B3GLCT: variants seen among roughly 807,000 people sequenced by gnomAD.
The protein encoded by B3GLCT is beta 3-glucosyltransferase.
Under a neutral mutation model 63.4 loss-of-function variants are expected in B3GLCT, and 65 were observed. The observed-to-expected ratio is 1.03, with a 90% CI of 0.84 to 1.26. B3GLCT has a LOEUF of 1.26. B3GLCT is among the 50% of genes most tolerant of loss of function. B3GLCT has a pLI of 0.00. For synonymous variants in B3GLCT, 233 were observed against 219.2 expected (o/e 1.06, Z -0.55); for missense variants, 577 against 604.8 (o/e 0.95, Z 0.48).
intron 4 of B3GLCT, among the ~76,000 whole-genome samples, chr13:31,234,774 ATC>A (rs1345913853): frequency 1.3e-5 from 2 of 152,112 alleles, no homozygotes; most frequent in Non-Finnish European, 2.9e-5. Flanking sequence ...GGTGTTTAGC[ATC>A]TCTCGTCTCT....
At position 31,274,261 on chromosome 13, in the gene B3GLCT, G is replaced by A. The variant is rs117121925; in HGVS notation, c.661-248G>A. 0.014 allele frequency among the ~76,000 whole-genome samples: 2,197 copies of A among 152,182 alleles called. 27 individuals carry two copies. Among genetic ancestry groups the A allele is most frequent in the Non-Finnish European group, 0.022 (1,497 of 68,002 alleles). On this transcript the variant is annotated intron_variant, in intron 8 of 14. Coordinates refer to ENST00000343307, the MANE Select transcript of B3GLCT (RefSeq NM_194318.4). ...GTTCTTTCCTAAAACCGCATACTTC[G>A]GAATTTTTTGGAGGTCAGAATATTG...
intron 12 of B3GLCT, among the ~76,000 whole-genome samples, chr13:31,308,946 A>T (rs1432937992): frequency 6.6e-6 from 1 of 152,166 alleles, no homozygotes; most frequent in African/African-American, 2.4e-5. Flanking sequence ...TTTTAATTTT[A>T]TTTTAGCTAG....
chr13:31,325,261 A>G (rs924764136), intron 14 of B3GLCT, among the ~76,000 whole-genome samples: 2 of 152,162 alleles, frequency 1.3e-5, no homozygotes, highest in African/African-American at 4.8e-5. Context: ...GTCCTTTAGG[A>G]CTTTGAGAGG....
chr13:31,282,553 C>T (rs1426373488), intron 10 of B3GLCT, among the ~76,000 whole-genome samples: 1 of 150,528 alleles, frequency 6.6e-6, no homozygotes, highest in African/African-American at 2.4e-5. Context: ...GAAGCAGGAG[C>T]ATGGTGTGAA....
chr13:31,321,298 T>A (rs1875318157), intron 13 of B3GLCT, among the ~76,000 whole-genome samples: 1 of 152,244 alleles, frequency 6.6e-6, no homozygotes, highest in South Asian at 2.1e-4. Flanking sequence ...TAAGACATAA[T>A]GTTGAATAGT....
chr13:31,213,657 T>C (rs1388656133), intron 1 of B3GLCT, among the ~76,000 whole-genome samples: 3 of 114,990 alleles, frequency 2.6e-5, no homozygotes, highest in African/African-American at 3.4e-5. Context: ...ATAACTGTAT[T>C]CCTGCCCTTG....
At chr13:31,204,087 G>C (rs1868816406) in intron 1 of B3GLCT, among the ~76,000 whole-genome samples, 1 of 152,318 alleles carries the variant, frequency 6.6e-6, no homozygotes, top group East Asian at 1.9e-4. Context: ...AAGCAGTAAT[G>C]ACTACAGAAT....
At position 31,331,764 on chromosome 13, in the gene B3GLCT, A is replaced by G. The variant is rs887102093; in HGVS notation, c.*2096A>G. The stretch of plus-strand genomic sequence containing the variant: ...AACAAATCAGAGATGTTATTTTAGA[A>G]TCGATTCCCATCTAAAGAACTCAAT... On this transcript the variant is annotated 3_prime_UTR_variant, in exon 15 of 15. Transcript: ENST00000343307. 1.9e-4 allele frequency: 29 copies of G among 152,224 alleles called. No individual in the cohort carries two copies. Among genetic ancestry groups the G allele is most frequent in the African/African-American group, 6.8e-4 (28 of 41,462 alleles). The allele number at this position is 152,224 out of a possible 1,614,324, so 9.4% of individuals were successfully genotyped here.
chr13:31,224,460 T>G (rs1418544507), intron 3 of B3GLCT, among the ~76,000 whole-genome samples: 1 of 152,094 alleles, frequency 6.6e-6, no homozygotes, highest in African/African-American at 2.4e-5. Context: ...TTGGTATCAG[T>G]TCATCTGAAA....
At chr13:31,311,747 C>T (rs1874722106) in intron 12 of B3GLCT, 1 of 152,130 alleles carries the variant, frequency 6.6e-6, no homozygotes, top group Non-Finnish European at 1.5e-5. Flanking sequence ...TTTACTGATA[C>T]TATTTCAGCC....
chr13:31,202,381 G>A (rs1231412786), intron 1 of B3GLCT, among the ~76,000 whole-genome samples: 1 of 152,204 alleles, frequency 6.6e-6, no homozygotes, highest in Non-Finnish European at 1.5e-5. Context: ...GTGGCTTTTA[G>A]TGGCTTTGAG....
chr13:31,205,420 A>G (rs1868899669), intron 1 of B3GLCT, among the ~76,000 whole-genome samples: 1 of 151,964 alleles, frequency 6.6e-6, no homozygotes, highest in South Asian at 2.1e-4. Context: ...TTACCCGCGC[A>G]TGGTGGCGTG....
chr13:31,255,111 C>T (rs529842277), intron 6 of B3GLCT, among the ~76,000 whole-genome samples: 7 of 151,760 alleles, frequency 4.6e-5, no homozygotes, highest in Non-Finnish European at 8.8e-5. Flanking sequence ...AGCAAAGTCT[C>T]GGGATACAAA....
intron 12 of B3GLCT, among the ~76,000 whole-genome samples, chr13:31,288,419 C>A (rs768159257): frequency 1.6e-4 from 25 of 152,192 alleles, no homozygotes; most frequent in Admixed American, 1.1e-3. Context: ...TCTAAGCAAG[C>A]AGTTCACCTG....
chr13:31,314,180 A>G (rs1874871420), intron 12 of B3GLCT, among the ~76,000 whole-genome samples: 1 of 152,210 alleles, frequency 6.6e-6, no homozygotes, highest in Non-Finnish European at 1.5e-5. Flanking sequence ...GGGAAGGGAA[A>G]TATGAGGTCA....
intron 11 of B3GLCT, among the ~76,000 whole-genome samples, chr13:31,285,242 GCTTT>G: frequency 6.6e-6 from 1 of 152,042 alleles, no homozygotes; most frequent in East Asian, 1.9e-4. Context: ...CAAATTGCAG[GCTTT>G]CTAATTAAAA....
At chr13:31,274,384 A>G (rs1316306962) in intron 8 of B3GLCT, 125 bp from the exon 9 acceptor site, 2 of 1,263,018 alleles carry the variant, frequency 1.6e-6, no homozygotes, top group African/African-American at 1.5e-5. Flanking sequence ...ATACTGACAA[A>G]TTGATATGGT....
chr13:31,281,275 A>G (rs566943118), intron 10 of B3GLCT, among the ~76,000 whole-genome samples: 2 of 152,166 alleles, frequency 1.3e-5, no homozygotes, highest in Admixed American at 1.3e-4. Flanking sequence ...TTCCTTTCAG[A>G]TTAAAAAAAA....
intron 2 of B3GLCT, among the ~76,000 whole-genome samples, chr13:31,221,596 C>T (rs1336854289): frequency 1.3e-5 from 2 of 152,172 alleles, no homozygotes; most frequent in Admixed American, 1.3e-4. Flanking sequence ...TTTCTAGTCT[C>T]GAGACAAAGA....
Sources: allele counts gnomAD v4.1 joint callset (sites outside exome capture counted in the v4.1 genomes callset), GRCh38; gene constraint gnomAD v4.1.1; transcripts MANE v1.5; gene names NCBI Gene and HGNC (gene_info 2026-07-23, HGNC 2026-07-21).